Variants in SCAMP1 observed in about 807,000 individuals in gnomAD.
SCAMP1 encodes the protein secretory carrier membrane protein 1.
Under a neutral mutation model 41.8 loss-of-function variants are expected in SCAMP1, and 15 were observed. The observed-to-expected ratio is 0.36, with a 90% CI of 0.24 to 0.55. The LOEUF is 0.55. Among genes scored for constraint, SCAMP1 ranks in the 20% least tolerant of loss-of-function variants. The probability of loss-of-function intolerance (pLI) is 0.86; values close to 1 mark genes in which losing one functional copy is unlikely to be tolerated. For missense variants in SCAMP1, 341 were observed against 412.6 expected (o/e 0.83, Z 1.50); for synonymous variants, 135 against 136.8 (o/e 0.99, Z 0.09).
intron 1 of SCAMP1, among the ~76,000 whole-genome samples, chr5:78,386,181 G>A (rs1751335903): frequency 6.6e-6 from 1 of 152,016 alleles, no homozygotes; most frequent in South Asian, 2.1e-4. Flanking sequence ...ATTCCTGTTG[G>A]ACTATTCCTT....
intron 6 of SCAMP1, among the ~76,000 whole-genome samples, chr5:78,433,151 A>G (rs1752663970): frequency 6.6e-6 from 1 of 152,166 alleles, no homozygotes; most frequent in South Asian, 2.1e-4. Context: ...CTTTTTGACT[A>G]GAGTCTAAGA....
intron 4 of SCAMP1, among the ~76,000 whole-genome samples, chr5:78,417,072 C>T (rs1752228732): frequency 6.6e-6 from 1 of 152,110 alleles, no homozygotes; most frequent in Admixed American, 6.6e-5. Flanking sequence ...TTTGTCAAAT[C>T]ATGTTAGAAA....
At chr5:78,470,137 A>G (rs1405559017) in intron 8 of SCAMP1, among the ~76,000 whole-genome samples, 1 of 152,058 alleles carries the variant, frequency 6.6e-6, no homozygotes, top group East Asian at 1.9e-4. Flanking sequence ...ATACAATTTA[A>G]TGGCTTTTGG....
intron 6 of SCAMP1, among the ~76,000 whole-genome samples, chr5:78,440,205 T>G (rs904881157): frequency 1.3e-5 from 2 of 152,212 alleles, no homozygotes; most frequent in Admixed American, 1.3e-4. Context: ...CCTTCTTCTC[T>G]CAACTCGTCA....
chr5:78,470,541 A>G (rs1003541586), intron 8 of SCAMP1, among the ~76,000 whole-genome samples: 2 of 152,178 alleles, frequency 1.3e-5, no homozygotes, highest in African/African-American at 4.8e-5. Context: ...GTATCTGTAT[A>G]CTACATTGTT....
intron 6 of SCAMP1, among the ~76,000 whole-genome samples, chr5:78,443,978 A>G (rs1752993175): frequency 6.6e-6 from 1 of 151,992 alleles, no homozygotes; most frequent in Non-Finnish European, 1.5e-5. Context: ...TAAGAGATAG[A>G]CTCTATTATA....
At chr5:78,458,909 T>C (rs1458410190) in intron 7 of SCAMP1, among the ~76,000 whole-genome samples, 1 of 152,086 alleles carries the variant, frequency 6.6e-6, no homozygotes, top group Non-Finnish European at 1.5e-5. Flanking sequence ...AATTCAAAAC[T>C]CATAAGCTTA....
At chr5:78,409,429 A>ACACACG (rs994848230) in intron 2 of SCAMP1, among the ~76,000 whole-genome samples, 1 of 151,406 alleles carries the variant, frequency 6.6e-6, no homozygotes, top group African/African-American at 2.4e-5. Flanking sequence ...AGATACACAC[A>ACACACG]CACACACACA....
chr5:78,383,692 C>G (rs950212687), intron 1 of SCAMP1, among the ~76,000 whole-genome samples: 3 of 152,124 alleles, frequency 2.0e-5, no homozygotes, highest in African/African-American at 7.2e-5. Flanking sequence ...ATAGGGTGTC[C>G]TTTCTCCACA....
At chr5:78,378,061 G>A (rs1751109614) in intron 1 of SCAMP1, among the ~76,000 whole-genome samples, 1 of 152,124 alleles carries the variant, frequency 6.6e-6, no homozygotes, top group Admixed American at 6.5e-5. Flanking sequence ...TGAGTGACTT[G>A]CCTGATGTCA....
intron 7 of SCAMP1, among the ~76,000 whole-genome samples, chr5:78,451,101 C>T (rs1354743393): frequency 3.9e-5 from 6 of 151,988 alleles, no homozygotes; most frequent in African/African-American, 7.3e-5. Context: ...ATTTCTTTCG[C>T]TTTTTAGCAC....
chr5:78,440,799 C>T (rs1165664301), intron 6 of SCAMP1, among the ~76,000 whole-genome samples: 2 of 152,214 alleles, frequency 1.3e-5, no homozygotes, highest in East Asian at 1.9e-4. Context: ...TATGCCCTGC[C>T]CCCAGAGGTG....
chr5:78,445,051 A>G (rs1254686259), intron 6 of SCAMP1, among the ~76,000 whole-genome samples: 2 of 152,200 alleles, frequency 1.3e-5, no homozygotes, highest in Non-Finnish European at 2.9e-5. Context: ...TGCTTTAGTT[A>G]ACTTGTGTCC....
chr5:78,404,162 T>C (rs1253504945), intron 2 of SCAMP1, among the ~76,000 whole-genome samples: 1 of 151,366 alleles, frequency 6.6e-6, no homozygotes, highest in East Asian at 1.9e-4. Context: ...ATTTCTTGTA[T>C]GCTCATGCTT....
At chr5:78,396,488 G>A (rs915786804) in intron 2 of SCAMP1, among the ~76,000 whole-genome samples, 1 of 152,168 alleles carries the variant, frequency 6.6e-6, no homozygotes, top group African/African-American at 2.4e-5. Context: ...TTGACATGTT[G>A]GATTTGCAAT....
At chr5:78,390,294 T>C (rs1751453512) in intron 2 of SCAMP1, among the ~76,000 whole-genome samples, 1 of 152,244 alleles carries the variant, frequency 6.6e-6, no homozygotes, top group Non-Finnish European at 1.5e-5. Context: ...TTTAAATTTC[T>C]CTTTATTTCA....
chr5:78,365,472 C>CAAA (rs35765310), intron 1 of SCAMP1, among the ~76,000 whole-genome samples: 10 of 55,564 alleles, frequency 1.8e-4, no homozygotes, highest in African/African-American at 2.3e-4. Flanking sequence ...AGACTCATCT[C>CAAA]AAAAAAAAAA....
intron 1 of SCAMP1, among the ~76,000 whole-genome samples, chr5:78,379,698 T>G (rs1751149663): frequency 6.6e-6 from 1 of 152,226 alleles, no homozygotes; most frequent in Non-Finnish European, 1.5e-5. Flanking sequence ...ATTTATTTAT[T>G]GGCTTTTAAA....
intron 1 of SCAMP1, among the ~76,000 whole-genome samples, chr5:78,381,554 A>G (rs941026424): frequency 1.3e-5 from 2 of 152,144 alleles, no homozygotes; most frequent in Admixed American, 6.5e-5. Flanking sequence ...TATTTTCTCA[A>G]TTTTCTCACT....
Sources: allele counts gnomAD v4.1 joint callset (sites outside exome capture counted in the v4.1 genomes callset), GRCh38; gene constraint gnomAD v4.1.1; transcripts MANE v1.5; gene names NCBI Gene and HGNC (gene_info 2026-07-23, HGNC 2026-07-21).